STRN3: variants seen among roughly 807,000 people sequenced by gnomAD.
The protein encoded by STRN3 is striatin 3, also known as striatin-3.
In STRN3, 29 loss-of-function variants were observed where a neutral mutation model predicts 95.6. The observed-to-expected ratio is 0.30, with a 90% CI of 0.23 to 0.41. STRN3 has a LOEUF of 0.41. Ranked by LOEUF, STRN3 falls within the 10% of genes least tolerant of loss-of-function variation. STRN3 has a pLI of 1.00. For missense variants in STRN3, 890 were observed against 972.1 expected, an observed-to-expected ratio of 0.92 and a Z score of 1.12; for synonymous variants, 331 against 357.6, an observed-to-expected ratio of 0.93 and a Z score of 0.84.
At chr14:30,939,707 CTA>C (rs1171619074) in intron 5 of STRN3, among the ~76,000 whole-genome samples, 2 of 152,132 alleles carry the variant, frequency 1.3e-5, no homozygotes, top group Admixed American at 1.3e-4. Flanking sequence ...CCATCCTTCT[CTA>C]TCTTTGATTC....
At chr14:30,943,212 C>T (rs1566448637) in intron 5 of STRN3, among the ~76,000 whole-genome samples, 1 of 152,178 alleles carries the variant, frequency 6.6e-6, no homozygotes. Context: ...CTAATAATGG[C>T]TCAACCATAA....
At chr14:30,967,823 G>T (rs1880609134) in intron 1 of STRN3, among the ~76,000 whole-genome samples, 1 of 152,156 alleles carries the variant, frequency 6.6e-6, no homozygotes, top group Non-Finnish European at 1.5e-5. Flanking sequence ...TAACCCAGAA[G>T]GTTTCCTAAC....
At chr14:30,927,708 G>A (rs1439098728) in intron 8 of STRN3, among the ~76,000 whole-genome samples, 3 of 151,296 alleles carry the variant, frequency 2.0e-5, no homozygotes, top group South Asian at 2.1e-4. Context: ...GGCAGATTAC[G>A]ACAATGTCAG....
chr14:31,002,762 C>T (rs1882527736), intron 1 of STRN3, among the ~76,000 whole-genome samples: 1 of 151,968 alleles, frequency 6.6e-6, no homozygotes, highest in Non-Finnish European at 1.5e-5. Context: ...TATGAGTCCA[C>T]TTATGTAAGG....
intron 1 of STRN3, among the ~76,000 whole-genome samples, chr14:31,001,720 C>G (rs967038808): frequency 6.6e-6 from 1 of 152,178 alleles, no homozygotes; most frequent in Non-Finnish European, 1.5e-5. Flanking sequence ...ATTGCTAAAA[C>G]TGGAAGCAAC....
chr14:31,017,774 G>A (rs1883311620), intron 1 of STRN3, among the ~76,000 whole-genome samples: 1 of 151,980 alleles, frequency 6.6e-6, no homozygotes, highest in Non-Finnish European at 1.5e-5. Flanking sequence ...ACACACAAAA[G>A]CGAGCATACA....
At chr14:30,935,741 A>C (rs1165418963) in intron 6 of STRN3, among the ~76,000 whole-genome samples, 1 of 152,242 alleles carries the variant, frequency 6.6e-6, no homozygotes, top group African/African-American at 2.4e-5. Flanking sequence ...TTTACCTTCC[A>C]GAACAAAAAA....
chr14:30,958,160 A>G (rs570561641), intron 1 of STRN3, among the ~76,000 whole-genome samples: 31 of 152,132 alleles, frequency 2.0e-4, no homozygotes, highest in African/African-American at 7.2e-4. Context: ...CAAAAAATCA[A>G]TAATTAGCCA....
chr14:30,927,130 C>A (rs1878219801), intron 8 of STRN3, among the ~76,000 whole-genome samples: 1 of 152,000 alleles, frequency 6.6e-6, no homozygotes, highest in Non-Finnish European at 1.5e-5. Context: ...ACAGAGAAAC[C>A]CCATCTCTAC....
chr14:30,935,682 T>C (rs995846873), intron 6 of STRN3, among the ~76,000 whole-genome samples: 1 of 152,220 alleles, frequency 6.6e-6, no homozygotes, highest in African/African-American at 2.4e-5. Flanking sequence ...CATAGAGATA[T>C]GGCATAGTAA....
intron 1 of STRN3, among the ~76,000 whole-genome samples, chr14:30,974,858 C>T (rs1045926070): frequency 8.2e-4 from 124 of 151,870 alleles, no homozygotes; most frequent in African/African-American, 2.9e-3. Context: ...CCAAAAAATG[C>T]TAACAGAGTG....
intron 1 of STRN3, among the ~76,000 whole-genome samples, chr14:31,015,867 T>C (rs960897360): frequency 6.6e-6 from 1 of 152,172 alleles, no homozygotes. Flanking sequence ...GGGGTGATCA[T>C]GGATCACCGT....
At chr14:31,008,190 CA>C (rs759461852) in intron 1 of STRN3, among the ~76,000 whole-genome samples, 3 of 149,748 alleles carry the variant, frequency 2.0e-5, no homozygotes, top group African/African-American at 5.0e-5. Flanking sequence ...GACTCCGTCT[CA>C]AAAAAAAAAG....
chr14:31,005,030 T>C (rs1185164706), intron 1 of STRN3, among the ~76,000 whole-genome samples: 1 of 152,024 alleles, frequency 6.6e-6, no homozygotes, highest in Non-Finnish European at 1.5e-5. Flanking sequence ...GTAATCCGCA[T>C]GTTGCAAGAA....
In STRN3 at chr14:30,894,403, C is replaced by G. The variant is rs1420912907; in HGVS notation, c.*1008G>C. The G allele has an allele frequency of 1.3e-5, 2 of 152,444 alleles. No homozygotes were observed. The highest frequency in any genetic ancestry group is 2.9e-5 in the Non-Finnish European group (2 of 68,036). 9.4% of individuals were successfully genotyped at this position (152,444 alleles called of 1,614,324 possible). A position where few individuals can be genotyped will look rare whatever the true frequency, so the allele number is the denominator to read the frequency against. ...AATAGATATACAGGTTCCTTTAGCA[C>G]ATTAATAAAAGGATATAAAGACCAA... On this transcript the variant is annotated 3_prime_UTR_variant, in exon 18 of 18. Transcript: ENST00000357479.
At chr14:30,897,054 TCAG>T in intron 16 of STRN3, among the ~76,000 whole-genome samples, 1 of 152,310 alleles carries the variant, frequency 6.6e-6, no homozygotes, top group East Asian at 1.9e-4. Flanking sequence ...CTCCTTTCAC[TCAG>T]CAATGAGTCT....
chr14:31,021,434 GA>G (rs1883502023), intron 1 of STRN3, among the ~76,000 whole-genome samples: 1 of 152,160 alleles, frequency 6.6e-6, no homozygotes, highest in African/African-American at 2.4e-5. Context: ...GTTGTTTTGA[GA>G]ATTAAATGAA....
intron 5 of STRN3, among the ~76,000 whole-genome samples, chr14:30,946,339 T>C (rs1308696078): frequency 6.6e-6 from 1 of 151,802 alleles, no homozygotes; most frequent in Admixed American, 6.6e-5. Context: ...GGCCAGGAGT[T>C]TGAGACCAGC....
In STRN3 at chr14:30,975,115, C is replaced by T. The variant is rs189470589; in HGVS notation, c.283-18873G>A. The stretch of plus-strand genomic sequence containing the variant: ...TAAGAAAAAGACACATACACGCATG[C>T]TTATAGCAGCACAATTCATAACTGC... On this transcript the variant is annotated intron_variant, in intron 1 of 17. Transcript: ENST00000357479. Among the ~76,000 whole-genome samples, 10 of 41,462 alleles carry T rather than the reference C, an allele frequency of 2.4e-4. 2 individuals are homozygous for T. The East Asian group carries it at 3.8e-3, about 16-fold the overall frequency. The allele number at this position is 41,462 out of a possible 152,430, so 27.2% of individuals were successfully genotyped here. A position where few individuals can be genotyped will look rare whatever the true frequency, so the allele number is the denominator to read the frequency against.
Sources: gnomAD v4.1 joint callset for allele counts (sites outside exome capture counted in the v4.1 genomes callset) on GRCh38, gnomAD v4.1.1 for gene constraint, MANE v1.5 for transcripts, NCBI Gene and HGNC (gene_info 2026-07-23, HGNC 2026-07-21) for gene names.